The following ALG10 variants were observed in gnomAD, a reference collection of about 807,000 sequenced individuals.
ALG10 encodes dol-P-Glc:Glc(2)Man(9)GlcNAc(2)-PP-Dol alpha-1,2-glucosyltransferase A.
Under a neutral mutation model 39.2 loss-of-function variants are expected in ALG10, and 25 were observed. The observed-to-expected ratio is 0.64, with a 90% CI of 0.46 to 0.89. The LOEUF is 0.89. ALG10 is among the 40% of genes least tolerant of loss of function. The probability of loss-of-function intolerance (pLI) is 0.00; values close to 1 mark genes in which losing one functional copy is unlikely to be tolerated. For missense variants in ALG10, 486 were observed against 546.6 expected (o/e 0.89, Z 1.11); for synonymous variants, 184 against 193.9 (o/e 0.95, Z 0.42).
upstream of ALG10, chr12:34,022,442 G>A: frequency 2.5e-6 from 3 of 1,194,434 alleles, no homozygotes; most frequent in African/African-American, 3.0e-5. Context: ...CGATCTTTCC[G>A]GATCCGCGCT....
rs1942837122 is a variant in ALG10, at chr12:34,026,698, G to C, written c.1205G>C (p.Cys402Ser). 19 of 1,613,628 alleles carry C rather than the reference G, an allele frequency of 1.2e-5. No individual in the cohort carries two copies. The highest frequency in any genetic ancestry group is 1.5e-5 in the Non-Finnish European group (18 of 1,179,860). Residue 402 changes from cysteine to serine, a missense_variant, in exon 3 of 3, where the codon TGC (cysteine) becomes TCC (serine). Transcript: ENST00000266483. ...TTTTGGAATTTAATGTTTTTCATAT[G>C]CTTGTTCACTGTTATAGTTCCTCAG... Reference protein sequence around the residue: ...SIFWNLMFFICLFTVIVPQKL... With the variant: ...SIFWNLMFFISLFTVIVPQKL...
intron 1 of ALG10, chr12:34,023,318 A>G (rs1013079882): frequency 9.4e-5 from 16 of 169,628 alleles, no homozygotes; most frequent in Non-Finnish European, 1.9e-4. Flanking sequence ...GCAAGTATGT[A>G]CATATAAATA....
At chr12:34,025,548 T>C (rs896458808) in intron 2 of ALG10, among the ~76,000 whole-genome samples, 1 of 152,130 alleles carries the variant, frequency 6.6e-6, no homozygotes, top group Admixed American at 6.5e-5. Context: ...ATAGTCCACA[T>C]AGAACTTAGT....
chr12:34,022,384 A>C, upstream of ALG10: 2 of 640,886 alleles, frequency 3.1e-6, no homozygotes, highest in Non-Finnish European at 5.2e-6. Flanking sequence ...TTGAGAGGGT[A>C]ATCATCCGGT....
chr12:34,027,144 G>T lies in ALG10; in HGVS notation c.*229G>T. The T allele has an allele frequency of 2.5e-6, 1 of 406,882 alleles. No individual in the cohort carries two copies. The highest frequency in any genetic ancestry group is 4.2e-6 in the Non-Finnish European group (1 of 236,844). The allele number at this position is 406,882 out of a possible 1,614,324, so 25.2% of individuals were successfully genotyped here. On this transcript the variant is annotated 3_prime_UTR_variant, in exon 3 of 3. Transcript: ENST00000266483. Reference sequence around the variant, plus strand: ...GCCTGAAAAATGGAAAAATAAAATTGTTTTCAGATATCTCATATCACTCTC... The same window carrying T: ...GCCTGAAAAATGGAAAAATAAAATTTTTTTCAGATATCTCATATCACTCTC...
chr12:34,024,697 A>G (rs757385934), intron 2 of ALG10, among the ~76,000 whole-genome samples: 10 of 152,252 alleles, frequency 6.6e-5, no homozygotes, highest in Admixed American at 1.3e-4. Context: ...ATAAAGGAAC[A>G]AAGAAACTTA....
Position 34,022,726 on chromosome 12 carries a change from C to T in ALG10, c.127C>T (p.Pro43Ser). Residue 43 changes from proline (P) to serine (S), a missense_variant, in exon 1 of 3, where the codon CCT (proline) becomes TCT (serine). Pro to Ser is a moderately conservative substitution (Grantham distance 74). Transcript: ENST00000266483. ...EPYMDEIFHL[P>S]QAQRYCEGHF... Reference sequence around the variant, plus strand: ...CTACATGGACGAGATCTTCCACCTGCCTCAGGCGCAGCGCTACTGTGAGGG... The same window carrying T: ...CTACATGGACGAGATCTTCCACCTGTCTCAGGCGCAGCGCTACTGTGAGGG... 2 of 1,614,162 alleles carry T rather than the reference C, an allele frequency of 1.2e-6. No homozygotes were observed. The highest frequency in any genetic ancestry group is 4.5e-5 in the East Asian group (2 of 44,876).
At position 34,026,485 on chromosome 12, in the gene ALG10, T is replaced by C; in HGVS notation, c.992T>C (p.Leu331Ser). 2.5e-6 allele frequency: 4 copies of C among 1,614,042 alleles called. No individual in the cohort carries two copies. Among genetic ancestry groups the C allele is most frequent in the Admixed American group, 1.7e-5 (1 of 59,996 alleles). The change falls in exon 3 of 3, where the codon TTA becomes TCA. Residue 331 changes from leucine (L) to serine (S), a missense_variant. By Grantham distance (145) the Leu-to-Ser change is moderately radical. Coordinates refer to ENST00000266483, the MANE Select transcript of ALG10 (RefSeq NM_032834.4). ...AGAATTCTGTTTTTTGTGGTTACCT[T>C]AGTCTCTGTGTTTTTAGTTTGGAAA... ...KRRILFFVVTLVSVFLVWKFT... is the reference protein window; with the variant it reads ...KRRILFFVVTSVSVFLVWKFT...
At position 34,022,615 on chromosome 12, in the gene ALG10, G is replaced by C; in HGVS notation, c.16G>C (p.Gly6Arg). Residue 6 changes from glycine (G) to arginine (R), a missense_variant, in exon 1 of 3, where the codon GGT becomes CGT. Coordinates refer to ENST00000266483, the MANE Select transcript of ALG10 (RefSeq NM_032834.4). MAQLE[G>R]YYFSAALSCT... Reference sequence around the variant, plus strand: ...GGGAGCTGGAATGGCGCAGCTGGAAGGTTACTATTTCTCGGCCGCCTTGAG... The same window carrying C: ...GGGAGCTGGAATGGCGCAGCTGGAACGTTACTATTTCTCGGCCGCCTTGAG... The C allele has an allele frequency of 9.3e-6, 15 of 1,614,148 alleles. No homozygotes were observed. Among genetic ancestry groups the C allele is most frequent in the Non-Finnish European group, 1.3e-5 (15 of 1,180,006 alleles).
At position 34,022,500 on chromosome 12, in the gene ALG10, C is replaced by T; in HGVS notation, c.-100C>T. 15 of 1,595,360 alleles carry T rather than the reference C, an allele frequency of 9.4e-6. No individual in the cohort carries two copies. The highest frequency in any genetic ancestry group is 1.3e-5 in the Non-Finnish European group (15 of 1,166,028). ...GGTATGTGGCCCCGTCTGGCTAGTC[C>T]CGCCTAGCGCGCCCATTTCGAGCCC... On this transcript the variant is annotated 5_prime_UTR_variant, in exon 1 of 3. Coordinates refer to ENST00000266483, the MANE Select transcript of ALG10 (RefSeq NM_032834.4).
intron 2 of ALG10, 84 bp downstream of exon 2, chr12:34,024,243 A>G (rs1942808839): frequency 6.7e-7 from 1 of 1,495,186 alleles, no homozygotes. Flanking sequence ...ATTTGGTGAA[A>G]AATGTCTTTA....
rs769738289 is a variant in ALG10 at position 34,023,887 on chromosome 12, C to T, written c.172-75C>T. The T allele has an allele frequency of 1.5e-5, 23 of 1,555,560 alleles. 1 individual carries two copies. The highest frequency in any genetic ancestry group is 2.0e-5 in the Non-Finnish European group (23 of 1,127,464). On this transcript the variant is annotated intron_variant, in intron 1 of 2. Transcript: ENST00000266483. ...TTTCTGATTGTTGCTGGAGATGAGACTTGGGCTTGACATATTTGTGCCTGT... is the reference window on the plus strand; with the variant it reads ...TTTCTGATTGTTGCTGGAGATGAGATTTGGGCTTGACATATTTGTGCCTGT...
upstream of ALG10, chr12:34,022,487 C>G (rs1203526122): frequency 1.9e-6 from 3 of 1,553,252 alleles, no homozygotes; most frequent in Non-Finnish European, 2.7e-6. Context: ...TATGTGGCCC[C>G]GTCTGGCTAG....
rs752061976 is a variant in ALG10 at position 34,022,778 on chromosome 12, C to T, written c.171+8C>T. 2.5e-6 allele frequency: 4 copies of T among 1,614,074 alleles called. No homozygotes were observed. Among genetic ancestry groups the T allele is most frequent in the Non-Finnish European group, 3.4e-6 (4 of 1,179,996 alleles). ...CATTTCTCCCTTTCCCAGGTGGGGT[C>T]CCCAACCTGTCCCCACCCCAGGAGA... On this transcript the variant is annotated splice_region_variant and intron_variant, in intron 1 of 2. Coordinates refer to ENST00000266483, the MANE Select transcript of ALG10 (RefSeq NM_032834.4).
In ALG10 at chr12:34,024,487, A is replaced by G. The variant is rs529048771; in HGVS notation, c.369+328A>G. On this transcript the variant is annotated intron_variant, in intron 2 of 2. Transcript: ENST00000266483. ...GCAGTCTTTTTCTTGTAAAACGTAT[A>G]TATTCATTAGGGAAAACAGACTTTA... Among the ~76,000 whole-genome samples, 32 of 152,316 alleles carry G rather than the reference A, an allele frequency of 2.1e-4. 1 individual carries two copies. The South Asian group carries it at 6.2e-3, about 30-fold the overall frequency.
intron 2 of ALG10, among the ~76,000 whole-genome samples, chr12:34,025,487 T>TA (rs762966045): frequency 1.4e-4 from 22 of 152,192 alleles, no homozygotes; most frequent in Non-Finnish European, 2.8e-4. Context: ...CTGAAGGCAC[T>TA]AAAACATAAG....
chr12:34,024,221 T>G, intron 2 of ALG10, 62 bp downstream of exon 2: 1 of 1,564,214 alleles, frequency 6.4e-7, no homozygotes, highest in South Asian at 1.1e-5. Context: ...TACAATGAAT[T>G]AGTTTTATGA....
intron 1 of ALG10, 65 bp downstream of exon 1, chr12:34,022,835 C>G: frequency 6.2e-7 from 1 of 1,608,206 alleles, no homozygotes; most frequent in Non-Finnish European, 8.5e-7. Context: ...CCCACGTCCT[C>G]CCATCCTTAG....
In ALG10 at chr12:34,026,794, C is replaced by T. The variant is rs765292177; in HGVS notation, c.1301C>T (p.Thr434Ile). The T allele has an allele frequency of 1.1e-5, 17 of 1,614,002 alleles. No homozygotes were observed. The highest frequency in any genetic ancestry group is 1.4e-5 in the Non-Finnish European group (16 of 1,179,892). ...IYRLNIPLPP[T>I]SRLICELSCY... The stretch of plus-strand genomic sequence containing the variant: ...AGGCTTAACATACCTCTGCCTCCCA[C>T]ATCCAGACTCATTTGTGAACTGAGC... Residue 434 changes from threonine to isoleucine, a missense_variant, in exon 3 of 3, where the codon ACA (threonine) becomes ATA (isoleucine). Thr to Ile is a moderately conservative substitution (Grantham distance 89, BLOSUM62 -1). Coordinates refer to ENST00000266483, the MANE Select transcript of ALG10 (RefSeq NM_032834.4).
Sources: allele counts gnomAD v4.1 joint callset (sites outside exome capture counted in the v4.1 genomes callset), GRCh38; gene constraint gnomAD v4.1.1; transcripts MANE v1.5; gene names NCBI Gene and HGNC (gene_info 2026-07-23, HGNC 2026-07-21).